Variants in RIMBP2 observed in about 807,000 individuals in gnomAD.
RIMBP2 encodes RIMS-binding protein 2.
In RIMBP2, 48 loss-of-function variants were observed where a neutral mutation model predicts 118.6. The observed-to-expected ratio is 0.40, with a 90% confidence interval of 0.32 to 0.51. RIMBP2 has a LOEUF of 0.51. Among genes scored for constraint, RIMBP2 ranks in the 20% least tolerant of loss-of-function variants. RIMBP2 has a pLI of 0.41. For synonymous variants in RIMBP2, 762 were observed against 742.9 expected, an observed-to-expected ratio of 1.03 and a Z score of -0.42; for missense variants, 1,551 against 1,768.3, an observed-to-expected ratio of 0.88 and a Z score of 2.20.
chr12:130,581,701 A>T lies in RIMBP2; in HGVS notation c.-217+46621T>A, dbSNP rs1038639897. Among the ~76,000 whole-genome samples, 1 of 152,196 alleles carries T rather than the reference A, an allele frequency of 6.6e-6. No homozygotes were observed. Among genetic ancestry groups the T allele is most frequent in the Non-Finnish European group, 1.5e-5 (1 of 68,044 alleles). On this transcript the variant is annotated intron_variant, in intron 2 of 22. Coordinates refer to ENST00000690449, the MANE Select transcript of RIMBP2 (RefSeq NM_001393629.1). This position sits in a 1 kb window ranked among gnomAD's most constrained non-coding sequence, Gnocchi z 4.4. ...GTACTTTCTCCACAGCTACTGCTAT[A>T]AGCCTGGCCTGAGTCATCACCATTC...
At chr12:130,429,363 T>C (rs377213795) in intron 14 of RIMBP2, 13 of 152,180 alleles carry the variant, frequency 8.5e-5, no homozygotes, top group African/African-American at 3.1e-4. Flanking sequence ...ACATGCCAGC[T>C]TGGAGACAGC....
chr12:130,425,769 C>G (rs1396846502), intron 15 of RIMBP2: 1 of 152,388 alleles, frequency 6.6e-6, no homozygotes, highest in East Asian at 1.9e-4. Flanking sequence ...AAAGCGTGCC[C>G]CTGGGTCCTG....
chr12:130,669,328 G>C (rs2064094332), intron 1 of RIMBP2: 1 of 152,190 alleles, frequency 6.6e-6, no homozygotes, highest in Non-Finnish European at 1.5e-5. Flanking sequence ...AACAAGATAA[G>C]ACCCAAGGGA....
At chr12:130,608,029 G>A (rs1043467478) in intron 2 of RIMBP2, among the ~76,000 whole-genome samples, 1 of 152,144 alleles carries the variant, frequency 6.6e-6, no homozygotes, top group Non-Finnish European at 1.5e-5. Flanking sequence ...AAGTAAATAT[G>A]CTCAAAACAT....
chr12:130,438,276 C>A, intron 12 of RIMBP2, 89 bp downstream of exon 12: 2 of 1,463,992 alleles, frequency 1.4e-6, no homozygotes, highest in South Asian at 1.2e-5. Context: ...GAAGAGCAGA[C>A]CCTGCCTCCT....
intron 7 of RIMBP2, among the ~76,000 whole-genome samples, chr12:130,455,048 C>T (rs373646826): frequency 4.0e-5 from 6 of 151,882 alleles, no homozygotes; most frequent in South Asian, 2.1e-4. Context: ...ACGGTGCCCG[C>T]GCAAGCAGCC....
intron 3 of RIMBP2, among the ~76,000 whole-genome samples, chr12:130,508,973 G>A (rs372343726): frequency 2.0e-5 from 3 of 151,978 alleles, no homozygotes; most frequent in East Asian, 1.9e-4. Context: ...TGCACCCCCC[G>A]TACCATCCGG....
chr12:130,676,438 C>T (rs1196596553), intron 1 of RIMBP2, among the ~76,000 whole-genome samples: 6 of 151,228 alleles, frequency 4.0e-5, no homozygotes, highest in Non-Finnish European at 8.8e-5. Flanking sequence ...TCCTGGCCAA[C>T]ATGGTGAAAC....
chr12:130,456,132 CT>C (rs1276482095), intron 7 of RIMBP2, among the ~76,000 whole-genome samples: 4 of 152,218 alleles, frequency 2.6e-5, no homozygotes, highest in Non-Finnish European at 4.4e-5. Context: ...CCAAGAAATC[CT>C]TGTGGAGTCG....
intron 19 of RIMBP2, among the ~76,000 whole-genome samples, chr12:130,408,201 G>C (rs1199903618): frequency 6.6e-6 from 1 of 152,200 alleles, no homozygotes; most frequent in Non-Finnish European, 1.5e-5. Flanking sequence ...GTGCACGGTT[G>C]TGACATTGCT....
At chr12:130,573,250 T>G (rs982006818) in intron 2 of RIMBP2, among the ~76,000 whole-genome samples, 1 of 151,914 alleles carries the variant, frequency 6.6e-6, no homozygotes, top group Admixed American at 6.6e-5. Context: ...ATTTATATAT[T>G]GTAAATAACA....
intron 4 of RIMBP2, among the ~76,000 whole-genome samples, chr12:130,482,292 A>T (rs1334184356): frequency 6.6e-6 from 1 of 152,190 alleles, no homozygotes. Context: ...TCTTCTGGAT[A>T]TTGGTTCATC....
In RIMBP2 at chr12:130,422,608, A is replaced by C; in HGVS notation, c.3130-47T>G. 1 of 1,359,356 alleles carries C rather than the reference A, an allele frequency of 7.4e-7. No homozygotes were observed. The highest frequency in any genetic ancestry group is 1.0e-6 in the Non-Finnish European group (1 of 972,132). 84.2% of individuals were successfully genotyped at this position (1,359,356 alleles called of 1,614,324 possible). A position where few individuals can be genotyped will look rare whatever the true frequency, so the allele number is the denominator to read the frequency against. On this transcript the variant is annotated intron_variant, in intron 16 of 22. Transcript: ENST00000690449. The surrounding 1 kb of genome is among the most constrained non-coding windows in gnomAD (Gnocchi z 5.2). ...AGTCGTAAGTCTCGCCAGCATTGGG[A>C]ACTGAAGAATTCAGTTAGCCAAATC...
chr12:130,671,629 T>C (rs1036991656), intron 1 of RIMBP2, among the ~76,000 whole-genome samples: 1 of 152,172 alleles, frequency 6.6e-6, no homozygotes, highest in African/African-American at 2.4e-5. Context: ...GCCTCATCTG[T>C]TGCACAGGGC....
At chr12:130,702,054 G>A (rs1402381667) in intron 1 of RIMBP2, among the ~76,000 whole-genome samples, 2 of 152,112 alleles carry the variant, frequency 1.3e-5, no homozygotes, top group South Asian at 2.1e-4. Flanking sequence ...AATCCAGTAC[G>A]AGGATGAGCC....
intron 6 of RIMBP2, chr12:130,465,654 A>C (rs57250671): frequency 0.021 from 3,171 of 150,546 alleles, 93 homozygotes; most frequent in East Asian, 0.17. Context: ...GGTGACAGAG[A>C]ACCTCAGGCA....
chr12:130,496,014 C>T lies in RIMBP2; in HGVS notation c.-4+10634G>A, dbSNP rs556485908. ...CCCCTAGGGTGGGTGATGATTCTGC[C>T]GCTGACTCATTGGACCTAAACTGTA... On this transcript the variant is annotated intron_variant, in intron 4 of 22. Coordinates refer to ENST00000690449, the MANE Select transcript of RIMBP2 (RefSeq NM_001393629.1). Among the ~76,000 whole-genome samples the T allele has an allele frequency of 1.3e-3, 204 of 152,310 alleles. 2 individuals carry two copies. Among genetic ancestry groups the T allele is most frequent in the African/African-American group, 4.5e-3 (189 of 41,566 alleles).
intron 2 of RIMBP2, among the ~76,000 whole-genome samples, chr12:130,605,833 G>C (rs1566352554): frequency 6.6e-6 from 1 of 152,194 alleles, no homozygotes; most frequent in Non-Finnish European, 1.5e-5. Flanking sequence ...GGAGGCCGAG[G>C]TGGGCAGATC....
chr12:130,417,131 T>C (rs573856041), intron 17 of RIMBP2, among the ~76,000 whole-genome samples: 51 of 152,266 alleles, frequency 3.3e-4, no homozygotes, highest in African/African-American at 1.2e-3. Flanking sequence ...TAAAAATGTA[T>C]ATACCATTGG....
Sources: allele counts gnomAD v4.1 joint callset (sites outside exome capture counted in the v4.1 genomes callset), GRCh38; gene constraint gnomAD v4.1.1; non-coding constraint Gnocchi (gnomAD v3.1); transcripts MANE v1.5; gene names NCBI Gene and HGNC (gene_info 2026-07-23, HGNC 2026-07-21).